The following SERPINI1 variants were observed in gnomAD, a reference collection of about 807,000 sequenced individuals.
SERPINI1 encodes neuroserpin.
In SERPINI1, 19 loss-of-function variants were observed where a neutral mutation model predicts 41.1. The ratio of observed to expected loss-of-function variants is 0.46; its 90% CI spans 0.32 to 0.68. The LOEUF (loss-of-function observed/expected upper bound fraction) is 0.68. Ranked by LOEUF, SERPINI1 falls within the 30% of genes least tolerant of loss-of-function variation. The pLI is 0.03. For missense variants in SERPINI1, 460 were observed against 479.2 expected, an observed-to-expected ratio of 0.96 and a Z score of 0.37; for synonymous variants, 138 against 156.6, an observed-to-expected ratio of 0.88 and a Z score of 0.89.
rs1560008592 is a variant in SERPINI1 at position 167,789,127 on chromosome 3, A to G, written c.-2A>G. ...GTTTTTTAGGCTTGAAACTGTTACAATATGGCTTTCCTTGGACTCTTCTCT... is the reference window on the plus strand; with the variant it reads ...GTTTTTTAGGCTTGAAACTGTTACAGTATGGCTTTCCTTGGACTCTTCTCT... On this transcript the variant is annotated 5_prime_UTR_variant, in exon 2 of 9. Coordinates refer to ENST00000446050, the MANE Select transcript of SERPINI1 (RefSeq NM_001122752.2). 15 of 1,613,738 alleles carry G rather than the reference A, an allele frequency of 9.3e-6. No individual in the cohort carries two copies. The highest frequency in any genetic ancestry group is 1.1e-5 in the Non-Finnish European group (13 of 1,179,980).
At chr3:167,745,877 C>T (rs1414794002) in intron 1 of SERPINI1, among the ~76,000 whole-genome samples, 1 of 151,962 alleles carries the variant, frequency 6.6e-6, no homozygotes, top group Non-Finnish European at 1.5e-5. Flanking sequence ...AACAAAAACA[C>T]CAAATGATGT....
chr3:167,768,725 C>A (rs1726643011), intron 1 of SERPINI1, among the ~76,000 whole-genome samples: 1 of 152,176 alleles, frequency 6.6e-6, no homozygotes, highest in South Asian at 2.1e-4. Context: ...TTATGCACAT[C>A]CCTGAAGATC....
At chr3:167,736,467 A>G (rs1452552032) in intron 1 of SERPINI1, among the ~76,000 whole-genome samples, 1 of 152,220 alleles carries the variant, frequency 6.6e-6, no homozygotes. Flanking sequence ...TGGCTCTGGA[A>G]TATTGGAACA....
chr3:167,814,789 G>T (rs190071693), intron 6 of SERPINI1, among the ~76,000 whole-genome samples: 1 of 152,042 alleles, frequency 6.6e-6, no homozygotes, highest in Non-Finnish European at 1.5e-5. Context: ...GTTCTTCTCT[G>T]GGGGAACCTA....
At chr3:167,757,719 G>C (rs534270209) in intron 1 of SERPINI1, among the ~76,000 whole-genome samples, 1 of 152,242 alleles carries the variant, frequency 6.6e-6, no homozygotes, top group South Asian at 2.1e-4. Flanking sequence ...AGGGGTTTGA[G>C]ACCAGCCTGA....
intron 1 of SERPINI1, among the ~76,000 whole-genome samples, chr3:167,784,512 A>T (rs1727240748): frequency 6.6e-6 from 1 of 152,186 alleles, no homozygotes; most frequent in African/African-American, 2.4e-5. Context: ...TGGGTAATTT[A>T]TAAAGGAAAG....
At chr3:167,767,846 T>A (rs929890485) in intron 1 of SERPINI1, among the ~76,000 whole-genome samples, 10 of 152,178 alleles carry the variant, frequency 6.6e-5, no homozygotes, top group African/African-American at 1.9e-4. Flanking sequence ...ATTTCTGCAA[T>A]CTCATGATCA....
chr3:167,813,670 T>G (rs1711969559), intron 6 of SERPINI1, among the ~76,000 whole-genome samples: 1 of 152,236 alleles, frequency 6.6e-6, no homozygotes, highest in Admixed American at 6.5e-5. Flanking sequence ...CACACACCTC[T>G]GTTAGCACGT....
intron 1 of SERPINI1, among the ~76,000 whole-genome samples, chr3:167,746,038 C>T (rs1167289891): frequency 6.6e-6 from 1 of 152,052 alleles, no homozygotes; most frequent in African/African-American, 2.4e-5. Context: ...ACTTTTTTTG[C>T]AGCAATTGAC....
chr3:167,760,928 A>G (rs918109082), intron 1 of SERPINI1, among the ~76,000 whole-genome samples: 6 of 152,168 alleles, frequency 3.9e-5, no homozygotes, highest in African/African-American at 1.4e-4. Flanking sequence ...AGCTTGTGTC[A>G]TTGTTTTGGT....
chr3:167,782,928 T>C (rs1727185839), intron 1 of SERPINI1, among the ~76,000 whole-genome samples: 2 of 152,126 alleles, frequency 1.3e-5, no homozygotes, highest in Non-Finnish European at 2.9e-5. Context: ...AGTTACAGGA[T>C]CCATGAAGGA....
Position 167,761,069 on chromosome 3 carries a change from C to T in SERPINI1, c.-19+25246C>T, listed in dbSNP as rs537099499. ...AACCTAGAGAGGGAGAAAACAGTGC[C>T]TCATATGGTTTACTCACGTGTGATC... On this transcript the variant is annotated intron_variant, in intron 1 of 8. Coordinates refer to ENST00000446050, the MANE Select transcript of SERPINI1 (RefSeq NM_001122752.2). Among the ~76,000 whole-genome samples the T allele has an allele frequency of 1.3e-5, 2 of 152,244 alleles. 1 individual carries two copies. The highest frequency in any genetic ancestry group is 2.9e-5 in the Non-Finnish European group (2 of 67,996).
At chr3:167,817,728 G>T (rs1712153946) in intron 6 of SERPINI1, among the ~76,000 whole-genome samples, 1 of 151,668 alleles carries the variant, frequency 6.6e-6, no homozygotes, top group Admixed American at 6.6e-5. Flanking sequence ...CTCCCGAGTA[G>T]CTGGGACTAC....
chr3:167,789,169 G>C lies in SERPINI1; in HGVS notation c.41G>C (p.Ser14Thr), dbSNP rs540962876. 6.2e-6 allele frequency: 10 copies of C among 1,613,994 alleles called. No individual in the cohort carries two copies. Among genetic ancestry groups the C allele is most frequent in the Non-Finnish European group, 8.5e-6 (10 of 1,180,000 alleles). ...CTCTTCTCTTTGCTGGTTCTGCAAA[G>C]TATGGCTACAGGGGCCACTTTCCCT... ...LGLFSLLVLQSMATGATFPEE... is the reference protein window; with the variant it reads ...LGLFSLLVLQTMATGATFPEE... The change falls in exon 2 of 9, where the codon AGT becomes ACT. Residue 14 changes from serine to threonine, a missense_variant. Transcript: ENST00000446050.
intron 5 of SERPINI1, among the ~76,000 whole-genome samples, chr3:167,797,646 G>A (rs1162069940): frequency 6.6e-6 from 1 of 151,624 alleles, no homozygotes; most frequent in Non-Finnish European, 1.5e-5. Flanking sequence ...AAGATATTTA[G>A]CATGCATAAC....
intron 1 of SERPINI1, among the ~76,000 whole-genome samples, chr3:167,769,832 T>C (rs34909992): frequency 0.13 from 20,095 of 152,084 alleles, 1,646 homozygotes; most frequent in African/African-American, 0.23. Flanking sequence ...TTTTTTATGA[T>C]GTATTCATAT....
At chr3:167,775,128 C>T (rs1026506489) in intron 1 of SERPINI1, among the ~76,000 whole-genome samples, 1 of 148,874 alleles carries the variant, frequency 6.7e-6, no homozygotes, top group South Asian at 2.1e-4. Flanking sequence ...TCTTTGAATG[C>T]TCTAAAAGTC....
At position 167,764,377 on chromosome 3, in the gene SERPINI1, A is replaced by G. The variant is rs556673897; in HGVS notation, c.-18-24734A>G. Reference sequence around the variant, plus strand: ...TGGAAGGCAAGGAGGAGCAAGTCATATCTTACATGGATGGCAGCAGGCAGA... The same window carrying G: ...TGGAAGGCAAGGAGGAGCAAGTCATGTCTTACATGGATGGCAGCAGGCAGA... On this transcript the variant is annotated intron_variant, in intron 1 of 8. Coordinates refer to ENST00000446050, the MANE Select transcript of SERPINI1 (RefSeq NM_001122752.2). Among the ~76,000 whole-genome samples, 10 of 152,318 alleles carry G rather than the reference A, an allele frequency of 6.6e-5. 1 individual carries two copies. The South Asian group carries it at 1.2e-3, about 19-fold the overall frequency.
At chr3:167,824,801 T>C (rs1340226482) in intron 8 of SERPINI1, among the ~76,000 whole-genome samples, 1 of 151,868 alleles carries the variant, frequency 6.6e-6, no homozygotes, top group African/African-American at 2.4e-5. Flanking sequence ...ACTTCAGGAG[T>C]TCCAGGCAGG....
Sources: gnomAD v4.1 joint callset for allele counts (sites outside exome capture counted in the v4.1 genomes callset) on GRCh38, gnomAD v4.1.1 for gene constraint, MANE v1.5 for transcripts, NCBI Gene and HGNC (gene_info 2026-07-23, HGNC 2026-07-21) for gene names.